PAPPA2: variants seen among roughly 807,000 people sequenced by gnomAD.
PAPPA2 encodes pappalysin-2.
A neutral mutation model predicts 176.4 loss-of-function variants in PAPPA2; 86 were observed. The observed-to-expected ratio is 0.49, with a 90% confidence interval of 0.41 to 0.58. PAPPA2 has a LOEUF of 0.58. Ranked by LOEUF, PAPPA2 falls within the 20% of genes least tolerant of loss-of-function variation. PAPPA2 has a pLI of 0.00. For missense variants in PAPPA2, 2,073 were observed against 2,256.9 expected, an observed-to-expected ratio of 0.92 and a Z score of 1.65; for synonymous variants, 809 against 852.2, an observed-to-expected ratio of 0.95 and a Z score of 0.88.
intron 12 of PAPPA2, among the ~76,000 whole-genome samples, chr1:176,723,404 A>C (rs1661715418): frequency 6.6e-6 from 1 of 152,198 alleles, no homozygotes; most frequent in Admixed American, 6.5e-5. Context: ...AAGACCTGTT[A>C]AGAAAATGTA....
At chr1:176,725,577 T>G (rs988335907) in intron 12 of PAPPA2, among the ~76,000 whole-genome samples, 1 of 152,132 alleles carries the variant, frequency 6.6e-6, no homozygotes, top group Non-Finnish European at 1.5e-5. Flanking sequence ...ACAGATACAG[T>G]AAAGTGAAAA....
At chr1:176,515,118 C>T (rs1417040109) in intron 1 of PAPPA2, among the ~76,000 whole-genome samples, 1 of 152,108 alleles carries the variant, frequency 6.6e-6, no homozygotes, top group Non-Finnish European at 1.5e-5. Context: ...AAATATATAC[C>T]TCCTAAGAGT....
chr1:176,506,280 G>A (rs922887346), intron 1 of PAPPA2, among the ~76,000 whole-genome samples: 5 of 151,600 alleles, frequency 3.3e-5, no homozygotes, highest in African/African-American at 1.2e-4. Context: ...AAGTCAGCTA[G>A]TGTGATGCTT....
At chr1:176,769,427 A>G (rs1021447785) in intron 15 of PAPPA2, among the ~76,000 whole-genome samples, 180 bp from the exon 16 acceptor site, 1 of 152,208 alleles carries the variant, frequency 6.6e-6, no homozygotes, top group Non-Finnish European at 1.5e-5. Context: ...TATCAGCATC[A>G]TACTGAGTGT....
intron 17 of PAPPA2, among the ~76,000 whole-genome samples, chr1:176,778,092 A>G (rs1664543063): frequency 6.6e-6 from 1 of 151,960 alleles, no homozygotes; most frequent in South Asian, 2.1e-4. Flanking sequence ...TGGAATTGGC[A>G]TTCGAGGTCA....
intron 4 of PAPPA2, among the ~76,000 whole-genome samples, chr1:176,672,673 A>G (rs1659079290): frequency 1.3e-5 from 2 of 152,220 alleles, no homozygotes; most frequent in Non-Finnish European, 2.9e-5. Flanking sequence ...AAAGGGTTAT[A>G]TATACCAGAA....
At chr1:176,700,996 TTAAA>T (rs1308285478) in intron 8 of PAPPA2, among the ~76,000 whole-genome samples, 2 of 151,964 alleles carry the variant, frequency 1.3e-5, no homozygotes, top group African/African-American at 4.8e-5. Context: ...TTTGAACTTC[TTAAA>T]TAAGGCAGTT....
chr1:176,730,700 G>T, intron 12 of PAPPA2, among the ~76,000 whole-genome samples: 1 of 151,094 alleles, frequency 6.6e-6, no homozygotes, highest in South Asian at 2.1e-4. Flanking sequence ...AGGTTTTGGT[G>T]TTGAAATGTT....
intron 3 of PAPPA2, among the ~76,000 whole-genome samples, chr1:176,626,599 G>C (rs780147368): frequency 2.0e-5 from 3 of 152,166 alleles, no homozygotes; most frequent in African/African-American, 7.2e-5. Flanking sequence ...CATTTAAAAT[G>C]ACTGGGTTAA....
chr1:176,763,288 A>G (rs922291784), intron 14 of PAPPA2, among the ~76,000 whole-genome samples: 1 of 152,200 alleles, frequency 6.6e-6, no homozygotes. Context: ...GCAAGAAAAT[A>G]TCTTGCTAGT....
At chr1:176,571,232 C>T (rs1652310454) in intron 2 of PAPPA2, among the ~76,000 whole-genome samples, 1 of 152,166 alleles carries the variant, frequency 6.6e-6, no homozygotes, top group Non-Finnish European at 1.5e-5. Context: ...TAAGTTTGTG[C>T]AAGCCATCCA....
chr1:176,506,426 C>T (rs1353924323), intron 1 of PAPPA2, among the ~76,000 whole-genome samples: 2 of 151,742 alleles, frequency 1.3e-5, no homozygotes, highest in Non-Finnish European at 2.9e-5. Flanking sequence ...GCACTAAATC[C>T]GTAAATTGCT....
chr1:176,768,037 G>A (rs999438719), intron 15 of PAPPA2, among the ~76,000 whole-genome samples: 2 of 152,198 alleles, frequency 1.3e-5, no homozygotes, highest in Non-Finnish European at 2.9e-5. Flanking sequence ...AGCGGTCATT[G>A]TACCTGTGGC....
chr1:176,493,199 G>T (rs1013930994), intron 1 of PAPPA2, among the ~76,000 whole-genome samples: 4 of 152,164 alleles, frequency 2.6e-5, no homozygotes, highest in Admixed American at 1.3e-4. Flanking sequence ...AAACAAGTTT[G>T]AACTTTGAAG....
In PAPPA2 at chr1:176,778,341, G is replaced by C. The variant is rs377095641; in HGVS notation, c.4715+7161G>C. Among the ~76,000 whole-genome samples, 5 of 152,274 alleles carry C rather than the reference G, an allele frequency of 3.3e-5. No individual in the cohort carries two copies. The East Asian group carries it at 9.7e-4, about 29-fold the overall frequency. ...AAGAAACAAAATAATCAGCAAGATAGATCTGGTCATAATTTAAAAAATTAG... is the reference window on the plus strand; with the variant it reads ...AAGAAACAAAATAATCAGCAAGATACATCTGGTCATAATTTAAAAAATTAG... On this transcript the variant is annotated intron_variant, in intron 17 of 22. Coordinates refer to ENST00000367662, the MANE Select transcript of PAPPA2 (RefSeq NM_020318.3).
intron 21 of PAPPA2, among the ~76,000 whole-genome samples, chr1:176,829,477 G>A (rs141903060): frequency 2.6e-5 from 4 of 152,288 alleles, no homozygotes; most frequent in South Asian, 2.1e-4. Context: ...GGATGAGCAC[G>A]CATGCTGGGG....
At chr1:176,710,828 A>T (rs1241240115) in intron 11 of PAPPA2, among the ~76,000 whole-genome samples, 1 of 152,142 alleles carries the variant, frequency 6.6e-6, no homozygotes, top group African/African-American at 2.4e-5. Flanking sequence ...CTTTGAAGAG[A>T]TTGAGGAGCC....
chr1:176,769,753 A>C lies in PAPPA2; in HGVS notation c.4470A>C (p.Ser1490=). The change falls in exon 16 of 23, where the codon TCA becomes TCC. Residue 1490 remains serine (S), a synonymous_variant. Coordinates refer to ENST00000367662, the MANE Select transcript of PAPPA2 (RefSeq NM_020318.3). ...GAACCAAATTTCTGAAACGCTGCTC[A>C]ATCTCTTGTGTCCCACCAGCCAAGC... ...SEGTKFLKRC[S]ISCVPPAKLQ... 1 of 1,611,706 alleles carries C rather than the reference A, an allele frequency of 6.2e-7. No individual in the cohort carries two copies. The highest frequency in any genetic ancestry group is 1.1e-5 in the South Asian group (1 of 90,496).
At chr1:176,705,748 G>C (rs367730420) in intron 9 of PAPPA2, among the ~76,000 whole-genome samples, 1 of 152,254 alleles carries the variant, frequency 6.6e-6, no homozygotes, top group African/African-American at 2.4e-5. Flanking sequence ...TTTCTTCCCT[G>C]CAATATATGT....
Sources: gnomAD v4.1 joint callset for allele counts (sites outside exome capture counted in the v4.1 genomes callset) on GRCh38, gnomAD v4.1.1 for gene constraint, MANE v1.5 for transcripts, NCBI Gene and HGNC (gene_info 2026-07-23, HGNC 2026-07-21) for gene names.